The following PRKCA variants were observed in gnomAD, a reference collection of about 807,000 sequenced individuals.
PRKCA encodes the protein protein kinase C alpha type.
Under a neutral mutation model 87.0 loss-of-function variants are expected in PRKCA, and 27 were observed. The observed-to-expected ratio is 0.31, with a 90% CI of 0.23 to 0.43. The LOEUF is 0.43. Ranked by LOEUF, PRKCA falls within the 20% of genes least tolerant of loss-of-function variation. The probability of loss-of-function intolerance (pLI) is 1.00; values close to 1 mark genes in which losing one functional copy is unlikely to be tolerated. For synonymous variants in PRKCA, 329 were observed against 311.1 expected (o/e 1.06, Z -0.61); for missense variants, 518 against 852.3 (o/e 0.61, Z 4.88).
intron 2 of PRKCA, among the ~76,000 whole-genome samples, chr17:66,317,425 T>A (rs2143187180): frequency 6.6e-6 from 1 of 152,284 alleles, no homozygotes; most frequent in East Asian, 1.9e-4. Flanking sequence ...GAACTTACAG[T>A]GTACTACCAC....
intron 5 of PRKCA, among the ~76,000 whole-genome samples, chr17:66,646,403 A>C (rs1252518829): frequency 6.6e-6 from 1 of 151,830 alleles, no homozygotes; most frequent in Non-Finnish European, 1.5e-5. Context: ...CGGTACCATG[A>C]CCCACTCCAT....
At chr17:66,678,084 G>A (rs1230900380) in intron 5 of PRKCA, among the ~76,000 whole-genome samples, 2 of 152,232 alleles carry the variant, frequency 1.3e-5, no homozygotes, top group African/African-American at 2.4e-5. Flanking sequence ...ATGTGATAAA[G>A]TTAAGCATCT....
intron 8 of PRKCA, among the ~76,000 whole-genome samples, chr17:66,728,999 C>T (rs573599484): frequency 2.1e-4 from 32 of 152,208 alleles, no homozygotes; most frequent in Admixed American, 2.1e-3. Context: ...TGAGAAAATA[C>T]GATTAATCTG....
intron 3 of PRKCA, among the ~76,000 whole-genome samples, chr17:66,596,261 G>A (rs1490652479): frequency 1.3e-5 from 2 of 152,188 alleles, no homozygotes; most frequent in Admixed American, 6.5e-5. Context: ...GTTTATTGTG[G>A]TTCCTTGGAG....
intron 2 of PRKCA, among the ~76,000 whole-genome samples, chr17:66,312,784 T>C (rs1270918471): frequency 7.1e-6 from 1 of 140,916 alleles, no homozygotes; most frequent in East Asian, 2.2e-4. Context: ...TCACCCAGGC[T>C]GGAGTGTGCA....
chr17:66,434,368 G>C (rs778391830), intron 2 of PRKCA, among the ~76,000 whole-genome samples: 1 of 152,054 alleles, frequency 6.6e-6, no homozygotes, highest in Non-Finnish European at 1.5e-5. Context: ...GAGCCTCACA[G>C]TGCTAAGAGG....
At chr17:66,664,893 G>A (rs1204898493) in intron 5 of PRKCA, among the ~76,000 whole-genome samples, 1 of 152,042 alleles carries the variant, frequency 6.6e-6, no homozygotes, top group African/African-American at 2.4e-5. Flanking sequence ...TCCCACCCCA[G>A]TCTACCAAAG....
At chr17:66,572,121 G>A (rs1969096022) in intron 3 of PRKCA, among the ~76,000 whole-genome samples, 1 of 152,166 alleles carries the variant, frequency 6.6e-6, no homozygotes, top group East Asian at 1.9e-4. Context: ...GATAGATTAA[G>A]CTATGATTGA....
At chr17:66,329,421 G>A (rs35135345) in intron 2 of PRKCA, among the ~76,000 whole-genome samples, 53,974 of 152,072 alleles carry the variant, frequency 0.35, 9,912 homozygotes, top group Middle Eastern at 0.54. Flanking sequence ...CTGGAGCTGA[G>A]AGAGGCAGCC....
At chr17:66,751,796 G>C (rs761761333) in intron 13 of PRKCA, among the ~76,000 whole-genome samples, 1 of 152,122 alleles carries the variant, frequency 6.6e-6, no homozygotes, top group Admixed American at 6.5e-5. Flanking sequence ...GCATGGCTAG[G>C]GGGGGTCTCA....
chr17:66,779,028 C>G (rs1170494850), intron 14 of PRKCA, among the ~76,000 whole-genome samples: 3 of 152,070 alleles, frequency 2.0e-5, no homozygotes, highest in Non-Finnish European at 2.9e-5. Context: ...AAATGTATTC[C>G]TAGGCTGTCA....
chr17:66,384,082 G>A (rs1045301893), intron 2 of PRKCA, among the ~76,000 whole-genome samples: 1 of 152,120 alleles, frequency 6.6e-6, no homozygotes, highest in Non-Finnish European at 1.5e-5. Flanking sequence ...CTAGCACTAT[G>A]ACATTTCATA....
intron 14 of PRKCA, chr17:66,777,978 G>T (rs1446384496): frequency 6.1e-6 from 6 of 985,268 alleles, no homozygotes; most frequent in Non-Finnish European, 7.2e-6. Context: ...GTCCCCTTTG[G>T]GGGGTGCATT....
intron 3 of PRKCA, among the ~76,000 whole-genome samples, chr17:66,566,451 G>A (rs1005387883): frequency 2.7e-5 from 4 of 149,764 alleles, no homozygotes; most frequent in Non-Finnish European, 4.4e-5. Context: ...TGGAAGACAG[G>A]CATTGTGAAG....
intron 2 of PRKCA, among the ~76,000 whole-genome samples, chr17:66,476,467 C>T (rs1286777375): frequency 3.3e-5 from 5 of 152,174 alleles, no homozygotes; most frequent in African/African-American, 1.2e-4. Flanking sequence ...GAATGCCAGC[C>T]AAGGCCCTGT....
In PRKCA at chr17:66,742,805, G is replaced by A. The variant is rs1160236853; in HGVS notation, c.1524+45G>A. 1.9e-6 allele frequency: 3 copies of A among 1,600,464 alleles called. No homozygotes were observed. In the African/African-American group the frequency reaches 4.0e-5, roughly 21 times the overall value. On this transcript the variant is annotated intron_variant, in intron 13 of 16. Transcript: ENST00000413366. Reference sequence around the variant, plus strand: ...TTTTCTCAACCAGGACTCCCAAACTGTAAACGCAGCCCTCTCATGGGTTAT... The same window carrying A: ...TTTTCTCAACCAGGACTCCCAAACTATAAACGCAGCCCTCTCATGGGTTAT...
At chr17:66,703,217 C>T (rs1973104431) in intron 8 of PRKCA, 2 of 152,260 alleles carry the variant, frequency 1.3e-5, no homozygotes, top group East Asian at 1.9e-4. Context: ...ACTTAAAACA[C>T]AAATACATTG....
chr17:66,452,793 G>A (rs1914388318), intron 2 of PRKCA, among the ~76,000 whole-genome samples: 1 of 152,222 alleles, frequency 6.6e-6, no homozygotes, highest in Admixed American at 6.5e-5. Context: ...GAACCTGGGA[G>A]GCGGAGCATG....
At chr17:66,562,133 TAAATTATATATATAATTA>T (rs1270845930) in intron 3 of PRKCA, among the ~76,000 whole-genome samples, 3 of 34,448 alleles carry the variant, frequency 8.7e-5, no homozygotes, top group African/African-American at 5.6e-4. Flanking sequence ...TATATATAAT[TAAATTATATATATAATTA>T]AATTATATAT....
Sources: gnomAD v4.1 joint callset for allele counts (sites outside exome capture counted in the v4.1 genomes callset) on GRCh38, gnomAD v4.1.1 for gene constraint, MANE v1.5 for transcripts, NCBI Gene and HGNC (gene_info 2026-07-23, HGNC 2026-07-21) for gene names.